NEXMIF: variants seen among roughly 807,000 people sequenced by gnomAD.
NEXMIF encodes XLMR protein related to neurite extension.
A neutral mutation model predicts 62.1 loss-of-function variants in NEXMIF; 8 were observed. The observed-to-expected ratio is 0.13, with a 90% CI of 0.08 to 0.23. The LOEUF is 0.23. Among genes scored for constraint, NEXMIF ranks in the 10% least tolerant of loss-of-function variants. The pLI, the probability that NEXMIF is intolerant of heterozygous loss-of-function variation, is 1.00. For synonymous variants in NEXMIF, 404 were observed against 416.6 expected (o/e 0.97, Z 0.37); for missense variants, 976 against 1,113.3 (o/e 0.88, Z 1.75).
intron 1 of NEXMIF, among the ~76,000 whole-genome samples, chrX:74,886,553 C>T (rs1342020073): frequency 9.0e-6 from 1 of 111,456 alleles, no homozygotes; most frequent in Non-Finnish European, 1.9e-5. Context: ...TTCACAATTG[C>T]TTCAAAGAAA....
At chrX:74,824,361 A>G (rs1286890144) in intron 1 of NEXMIF, among the ~76,000 whole-genome samples, 1 of 111,907 alleles carries the variant, frequency 8.9e-6, no homozygotes, top group African/African-American at 3.2e-5. Context: ...AAGTGAAAAC[A>G]TGCGGTATTT....
At position 74,743,773 on chromosome X, in the gene NEXMIF, C is replaced by T. The variant is rs1232982423; in HGVS notation, c.784G>A (p.Glu262Lys). ...ANSNQDWGYF[E>K]TFISESKIEL... is the part of the protein sequence containing the mutation. ...ATCTTACTTTCACTAATAAAAGTCTCGAAGTAACCCCAATCCTGATTGGAA... is the reference window on the plus strand; with the variant it reads ...ATCTTACTTTCACTAATAAAAGTCTTGAAGTAACCCCAATCCTGATTGGAA... Residue 262 changes from glutamate (E) to lysine (K), a missense_variant, in exon 3 of 4, where the codon GAG (glutamate) becomes AAG (lysine). Physicochemically the swap from Glu to Lys is moderately conservative, Grantham distance 56. Coordinates refer to ENST00000055682, the MANE Select transcript of NEXMIF (RefSeq NM_001008537.3). The T allele has an allele frequency of 2.5e-6, 3 of 1,211,191 alleles. No individual in the cohort carries two copies. Among genetic ancestry groups the T allele is most frequent in the Non-Finnish European group, 3.4e-6 (3 of 895,176 alleles).
intron 1 of NEXMIF, among the ~76,000 whole-genome samples, chrX:74,895,883 T>C (rs964214210): frequency 7.5e-4 from 82 of 109,903 alleles, no homozygotes; most frequent in African/African-American, 2.6e-3. Context: ...AGAAATGAAT[T>C]TGAATGAGAA....
chrX:74,835,452 A>C (rs982523638), intron 1 of NEXMIF, among the ~76,000 whole-genome samples: 2 of 111,684 alleles, frequency 1.8e-5, no homozygotes, highest in Non-Finnish European at 3.8e-5. Context: ...TTTCTTGAGG[A>C]GGCTTTACAA....
chrX:74,794,583 T>C (rs1165233813), intron 1 of NEXMIF, among the ~76,000 whole-genome samples: 1 of 112,350 alleles, frequency 8.9e-6, no homozygotes, highest in African/African-American at 3.2e-5. Context: ...GCCTCGCTGC[T>C]GCCTTGCAGT....
chrX:74,854,717 C>T (rs780591490), intron 1 of NEXMIF, among the ~76,000 whole-genome samples: 1 of 112,111 alleles, frequency 8.9e-6, no homozygotes, highest in South Asian at 3.7e-4. Context: ...AGTTACAGAA[C>T]ACAAAATCAA....
chrX:74,910,986 AAAAC>A (rs1283513134), intron 1 of NEXMIF, among the ~76,000 whole-genome samples: 12 of 111,909 alleles, frequency 1.1e-4, no homozygotes, highest in African/African-American at 3.9e-4. Context: ...CAGCAGCGTG[AAAAC>A]AAACTAATAC....
At chrX:74,825,594 G>A (rs749335816) in intron 1 of NEXMIF, among the ~76,000 whole-genome samples, 25 of 111,969 alleles carry the variant, frequency 2.2e-4, no homozygotes, top group Non-Finnish European at 3.4e-4. Flanking sequence ...TGCTCTTGTC[G>A]CCCAGGCTGA....
chrX:74,856,688 C>T (rs2080536333), intron 1 of NEXMIF, among the ~76,000 whole-genome samples: 1 of 111,417 alleles, frequency 9.0e-6, no homozygotes, highest in African/African-American at 3.3e-5. Context: ...AAAGCACCTT[C>T]ATAAGAGCTG....
intron 1 of NEXMIF, among the ~76,000 whole-genome samples, chrX:74,835,989 T>G (rs1342152249): frequency 8.9e-6 from 1 of 112,560 alleles, no homozygotes; most frequent in African/African-American, 3.2e-5. Flanking sequence ...GCTAAAACCA[T>G]GACATGCAGT....
chrX:74,745,700 G>T lies in NEXMIF; in HGVS notation c.-47-3C>A. Reference sequence around the variant, plus strand: ...TCCAAGTCCAAATGCTGTCCAACCTGCACATTTCAAATATATAATATCAGT... The same window carrying T: ...TCCAAGTCCAAATGCTGTCCAACCTTCACATTTCAAATATATAATATCAGT... On this transcript the variant is annotated splice_region_variant and splice_polypyrimidine_tract_variant and intron_variant, in intron 1 of 3. Transcript: ENST00000055682. 1 of 760,142 alleles carries T rather than the reference G, an allele frequency of 1.3e-6. No homozygotes were observed. Among genetic ancestry groups the T allele is most frequent in the Non-Finnish European group, 2.0e-6 (1 of 490,086 alleles). The allele number at this position is 760,142 out of a possible 1,213,427, so 62.6% of individuals were successfully genotyped here. A position where few individuals can be genotyped will look rare whatever the true frequency, so the allele number is the denominator to read the frequency against.
intron 1 of NEXMIF, among the ~76,000 whole-genome samples, chrX:74,839,839 T>C (rs2080468461): frequency 8.9e-6 from 1 of 112,237 alleles, no homozygotes; most frequent in South Asian, 3.8e-4. Flanking sequence ...ACTTATTCCA[T>C]ATCTTCACTA....
At chrX:74,818,622 A>C (rs1035897232) in intron 1 of NEXMIF, among the ~76,000 whole-genome samples, 16 of 112,320 alleles carry the variant, frequency 1.4e-4, no homozygotes, top group African/African-American at 4.2e-4. Context: ...GACCTAATTA[A>C]ACTAAAGATT....
intron 1 of NEXMIF, among the ~76,000 whole-genome samples, chrX:74,800,343 A>G (rs1164776153): frequency 9.0e-6 from 1 of 111,694 alleles, no homozygotes; most frequent in Non-Finnish European, 1.9e-5. Flanking sequence ...GCGTGCTGTG[A>G]GAACTTTCAC....
intron 1 of NEXMIF, among the ~76,000 whole-genome samples, chrX:74,785,857 A>G (rs1272041844): frequency 3.5e-5 from 4 of 112,782 alleles, no homozygotes; most frequent in Admixed American, 1.9e-4. Flanking sequence ...TCATCTGTGT[A>G]GTCTGTCTGA....
intron 1 of NEXMIF, among the ~76,000 whole-genome samples, chrX:74,802,471 C>T (rs2080332746): frequency 9.0e-6 from 1 of 111,044 alleles, no homozygotes; most frequent in Non-Finnish European, 1.9e-5. Context: ...CAAGGCGGTA[C>T]CTCTAAGAGT....
chrX:74,823,563 C>A (rs181300327), intron 1 of NEXMIF, among the ~76,000 whole-genome samples: 4 of 110,511 alleles, frequency 3.6e-5, no homozygotes, highest in Admixed American at 9.7e-5. Context: ...ATTGTAGTAC[C>A]GTTGTTATGA....
intron 1 of NEXMIF, among the ~76,000 whole-genome samples, chrX:74,794,291 G>A (rs1167035067): frequency 1.9e-5 from 2 of 106,424 alleles, no homozygotes; most frequent in Non-Finnish European, 3.9e-5. Flanking sequence ...GCTGCTCGGG[G>A]GTCAGGGGTC....
chrX:74,836,561 G>A (rs1158032966), intron 1 of NEXMIF, among the ~76,000 whole-genome samples: 1 of 111,011 alleles, frequency 9.0e-6, no homozygotes, highest in Non-Finnish European at 1.9e-5. Flanking sequence ...TTTGGACCAA[G>A]GTATAGCTAG....
Sources: gnomAD v4.1 joint callset for allele counts (sites outside exome capture counted in the v4.1 genomes callset) on GRCh38, gnomAD v4.1.1 for gene constraint, MANE v1.5 for transcripts, NCBI Gene and HGNC (gene_info 2026-07-23, HGNC 2026-07-21) for gene names.